The following CSTB variants were observed in gnomAD, a reference collection of about 807,000 sequenced individuals.
CSTB encodes cystatin B.
Under a neutral mutation model 7.6 loss-of-function variants are expected in CSTB, and 8 were observed. That is an observed-to-expected ratio of 1.05 (90% confidence interval 0.62 to 1.89). CSTB has a LOEUF of 1.89. Among genes scored for constraint, CSTB ranks in the 40% most tolerant of loss-of-function variants. CSTB has a pLI of 0.00. For synonymous variants in CSTB, 56 were observed against 55.3 expected, an observed-to-expected ratio of 1.01 and a Z score of -0.06; for missense variants, 124 against 126.4, an observed-to-expected ratio of 0.98 and a Z score of 0.09.
chr21:43,774,652 C>G lies in CSTB; in HGVS notation c.168+6G>C, dbSNP rs879246734. ...GGGGCAGGCCCTCCTGAGGCCCACACTCTACCTTGATGAAGTAGTTTGTCC... is the reference window on the plus strand; with the variant it reads ...GGGGCAGGCCCTCCTGAGGCCCACAGTCTACCTTGATGAAGTAGTTTGTCC... On this transcript the variant is annotated splice_donor_region_variant and intron_variant, in intron 2 of 2. Coordinates refer to ENST00000291568, the MANE Select transcript of CSTB (RefSeq NM_000100.4). 3.1e-6 allele frequency: 5 copies of G among 1,612,168 alleles called. No individual in the cohort carries two copies. Among genetic ancestry groups the G allele is most frequent in the Admixed American group, 3.3e-5 (2 of 60,014 alleles).
Position 43,774,701 on chromosome 21 carries a change from G to T in CSTB, c.125C>A (p.Ser42Ter), listed in dbSNP as rs386833439. Residue 42 changes from serine (S) to a stop codon, truncating the protein, a stop_gained, in exon 2 of 3, where the codon TCA becomes TAA. Transcript: ENST00000291568. LOFTEE classifies it low-confidence loss of function (END_TRUNC). ...CCCCGCGACCACCTGGCTCTTGAAT[G>T]ACACGGCCTTAAACACAGGGAACTT... The part of the protein sequence containing the change: ...NKKFPVFKAV[S>*]FKSQVVAGTN... 4.3e-6 allele frequency: 7 copies of T among 1,614,096 alleles called. No homozygotes were observed. The highest frequency in any genetic ancestry group is 5.9e-6 in the Non-Finnish European group (7 of 1,180,030).
rs2084000111 is a variant in CSTB at position 43,774,392 on chromosome 21, G to A, written c.169-62C>T. The stretch of plus-strand genomic sequence containing the variant: ...CAAGTCACCTTGCTGCGCCCCTCCA[G>A]GTCATTAGCAGCCAGCTGAAGACAA... On this transcript the variant is annotated intron_variant, in intron 2 of 2. Transcript: ENST00000291568. 10 of 1,611,956 alleles carry A rather than the reference G, an allele frequency of 6.2e-6. No individual in the cohort carries two copies. In the East Asian group the frequency reaches 2.0e-4, roughly 32 times the overall value.
intron 1 of CSTB, chr21:43,775,354 T>C (rs965221422): frequency 6.2e-6 from 1 of 161,920 alleles, no homozygotes; most frequent in African/African-American, 2.4e-5. Context: ...CTTGCACAGA[T>C]GACCTGCTCA....
Position 43,774,113 on chromosome 21 carries a change from G to A in CSTB, c.*89C>T. On this transcript the variant is annotated 3_prime_UTR_variant, in exon 3 of 3. Coordinates refer to ENST00000291568, the MANE Select transcript of CSTB (RefSeq NM_000100.4). ...CCAAGGGGCACAGCCCGGAGATGAAGCTTATTTTAGGATCACAAGTGCACG... is the reference window on the plus strand; with the variant it reads ...CCAAGGGGCACAGCCCGGAGATGAAACTTATTTTAGGATCACAAGTGCACG... 6.3e-7 allele frequency: 1 copy of A among 1,574,952 alleles called. No individual in the cohort carries two copies. Among genetic ancestry groups the A allele is most frequent in the South Asian group, 1.1e-5 (1 of 89,764 alleles).
At position 43,774,324 on chromosome 21, in the gene CSTB, C is replaced by T. The variant is rs531685360; in HGVS notation, c.175G>A (p.Val59Ile). ...AGGTGTACGAAGTCCTCGTCGCCGA[C>T]GTGCACCTGGGAAGAGAGCGGAGTG... is the stretch of plus-strand genomic sequence containing the variant. ...AGTNYFIKVH[V>I]GDEDFVHLRV... The change falls in exon 3 of 3, where the codon GTC (valine) becomes ATC (isoleucine). Residue 59 changes from valine to isoleucine, a missense_variant. Val to Ile is a conservative substitution (Grantham distance 29). Coordinates refer to ENST00000291568, the MANE Select transcript of CSTB (RefSeq NM_000100.4). 3.2e-5 allele frequency: 51 copies of T among 1,614,176 alleles called. 1 individual carries two copies. Among genetic ancestry groups the T allele is most frequent in the South Asian group, 2.9e-4 (26 of 91,092 alleles).
intron 2 of CSTB, 141 bp downstream of exon 2, chr21:43,774,517 A>T: frequency 8.9e-7 from 1 of 1,127,844 alleles, no homozygotes; most frequent in Non-Finnish European, 1.3e-6. Flanking sequence ...TGAAAGGCCG[A>T]TGGACACACA....
intron 1 of CSTB, 134 bp from the exon 2 acceptor site, chr21:43,774,893 G>A: frequency 4.0e-6 from 3 of 743,004 alleles, no homozygotes; most frequent in Admixed American, 1.9e-5. Context: ...TACAACTGAA[G>A]GGACATTTAA....
At position 43,774,564 on chromosome 21, in the gene CSTB, G is replaced by A. The variant is rs1240855400; in HGVS notation, c.168+94C>T. ...TTATCTCAGGGGGCAGCCACAGGGC[G>A]CCCCAGCACCTAAGACCACACAGCC... is the stretch of plus-strand genomic sequence containing the variant. On this transcript the variant is annotated intron_variant, in intron 2 of 2. Transcript: ENST00000291568. 49 of 1,230,482 alleles carry A rather than the reference G, an allele frequency of 4.0e-5. No homozygotes were observed. In the Admixed American group the frequency reaches 4.9e-4, roughly 12 times the overall value. The allele number at this position is 1,230,482 out of a possible 1,614,324, so 76.2% of individuals were successfully genotyped here. A position where few individuals can be genotyped will look rare whatever the true frequency, so the allele number is the denominator to read the frequency against.
At chr21:43,776,114 C>T (rs2084008736) in intron 1 of CSTB, 90 bp downstream of exon 1, 9 of 1,242,122 alleles carry the variant, frequency 7.2e-6, no homozygotes, top group Non-Finnish European at 1.0e-5. Flanking sequence ...GCAGCGGGGC[C>T]AAAGCGGCTT....
chr21:43,774,719 G>A lies in CSTB; in HGVS notation c.107C>T (p.Pro36Leu), dbSNP rs1045956757. The change falls in exon 2 of 3, where the codon CCT becomes CTT. Residue 36 changes from proline (P) to leucine (L), a missense_variant. Transcript: ENST00000291568. ...QLEEKENKKF[P>L]VFKAVSFKSQ... ...CTTGAATGACACGGCCTTAAACACA[G>A]GGAACTTCTTGTTTTCTTTCTCTTC... 2 of 1,614,016 alleles carry A rather than the reference G, an allele frequency of 1.2e-6. No homozygotes were observed. The highest frequency in any genetic ancestry group is 1.7e-6 in the Non-Finnish European group (2 of 1,180,012).
At chr21:43,775,012 T>G in intron 1 of CSTB, 1 of 528,070 alleles carries the variant, frequency 1.9e-6, no homozygotes. Flanking sequence ...TCACTTGAGG[T>G]CAGGAGTTTG....
chr21:43,774,731 T>C lies in CSTB; in HGVS notation c.95A>G (p.Asn32Ser). Residue 32 changes from asparagine (N) to serine (S), a missense_variant, in exon 2 of 3, where the codon AAC becomes AGC. Coordinates refer to ENST00000291568, the MANE Select transcript of CSTB (RefSeq NM_000100.4). ...GGCCTTAAACACAGGGAACTTCTTGTTTTCTTTCTCTTCAAGCTGGGACCT... is the reference window on the plus strand; with the variant it reads ...GGCCTTAAACACAGGGAACTTCTTGCTTTCTTTCTCTTCAAGCTGGGACCT... The part of the protein sequence containing the change: ...QVRSQLEEKE[N>S]KKFPVFKAVS... 6.2e-7 allele frequency: 1 copy of C among 1,614,096 alleles called. No homozygotes were observed. Among genetic ancestry groups the C allele is most frequent in the Non-Finnish European group, 8.5e-7 (1 of 1,179,984 alleles).
In CSTB at chr21:43,774,701, G is replaced by C; in HGVS notation, c.125C>G (p.Ser42Ter). ...CCCCGCGACCACCTGGCTCTTGAAT[G>C]ACACGGCCTTAAACACAGGGAACTT... is the stretch of plus-strand genomic sequence containing the variant. ...NKKFPVFKAV[S>*]FKSQVVAGTN... The change falls in exon 2 of 3, where the codon TCA becomes TGA. Residue 42 changes from serine (S) to a stop codon, truncating the protein, a stop_gained. Transcript: ENST00000291568. LOFTEE classifies it low-confidence loss of function (END_TRUNC). 6.2e-7 allele frequency: 1 copy of C among 1,614,214 alleles called. No homozygotes were observed. Among genetic ancestry groups the C allele is most frequent in the Non-Finnish European group, 8.5e-7 (1 of 1,180,022 alleles).
In CSTB at chr21:43,776,239, G is replaced by A. The variant is rs2084009509; in HGVS notation, c.31C>T (p.Pro11Ser). The A allele has an allele frequency of 3.9e-6, 6 of 1,529,338 alleles. No homozygotes were observed. The highest frequency in any genetic ancestry group is 4.4e-6 in the Non-Finnish European group (5 of 1,141,162). 94.7% of individuals were successfully genotyped at this position (1,529,338 alleles called of 1,614,324 possible). The change falls in exon 1 of 3, where the codon CCG becomes TCG. Residue 11 changes from proline to serine, a missense_variant. By Grantham distance (74) the Pro-to-Ser change is moderately conservative (BLOSUM62 -1). Coordinates refer to ENST00000291568, the MANE Select transcript of CSTB (RefSeq NM_000100.4). ...ATGTGCTGGGTCTCGGCGGTGGCCGGCTGCGTGGCGGAGGGCGCCCCGCAC... is the reference window on the plus strand; with the variant it reads ...ATGTGCTGGGTCTCGGCGGTGGCCGACTGCGTGGCGGAGGGCGCCCCGCAC... The part of the protein sequence containing the change: MMCGAPSATQ[P>S]ATAETQHIAD...
rs147484110 is a variant in CSTB at position 43,774,760 on chromosome 21, C to G, written c.67-1G>C. The G allele has an allele frequency of 3.0e-4, 481 of 1,612,442 alleles. No individual in the cohort carries two copies. Among genetic ancestry groups the G allele is most frequent in the Non-Finnish European group, 3.8e-4 (448 of 1,178,452 alleles). ...CTTTCTCTTCAAGCTGGGACCTCAC[C>G]TAGACAGAAGGGACAGAATGAGGAT... On this transcript the variant is annotated splice_acceptor_variant, in intron 1 of 2. Coordinates refer to ENST00000291568, the MANE Select transcript of CSTB (RefSeq NM_000100.4). LOFTEE classifies it high-confidence loss of function.
At chr21:43,774,588 C>T in intron 2 of CSTB, 70 bp downstream of exon 2, 1 of 1,384,576 alleles carries the variant, frequency 7.2e-7, no homozygotes, top group African/African-American at 1.4e-5. Context: ...GACCACACAG[C>T]CCGGGCCTGC....
chr21:43,775,815 G>T (rs957887987), intron 1 of CSTB: 1 of 203,720 alleles, frequency 4.9e-6, no homozygotes, highest in Non-Finnish European at 9.8e-6. Context: ...TCGGATCACC[G>T]TGGAGATCGG....
Position 43,774,145 on chromosome 21 carries a change from T to C in CSTB, c.*57A>G. 1 of 1,612,664 alleles carries C rather than the reference T, an allele frequency of 6.2e-7. No individual in the cohort carries two copies. Among genetic ancestry groups the C allele is most frequent in the South Asian group, 1.1e-5 (1 of 90,994 alleles). ...TTAGGATCACAAGTGCACGCTCTGGTAGACGGAGGATGACTTTGTCAGTCT... is the reference window on the plus strand; with the variant it reads ...TTAGGATCACAAGTGCACGCTCTGGCAGACGGAGGATGACTTTGTCAGTCT... On this transcript the variant is annotated 3_prime_UTR_variant, in exon 3 of 3. Coordinates refer to ENST00000291568, the MANE Select transcript of CSTB (RefSeq NM_000100.4).
chr21:43,774,951 C>T (rs763751833), intron 1 of CSTB, 192 bp from the exon 2 acceptor site: 79 of 639,294 alleles, frequency 1.2e-4, no homozygotes, highest in East Asian at 5.9e-4. Flanking sequence ...CAGCTGGGTA[C>T]GGTGGCTCAA....
Sources: allele counts gnomAD v4.1 joint callset, GRCh38; gene constraint gnomAD v4.1.1; transcripts MANE v1.5; gene names NCBI Gene and HGNC (gene_info 2026-07-23, HGNC 2026-07-21).